The following IFT81 variants were observed in gnomAD, a reference collection of about 807,000 sequenced individuals.
IFT81 encodes the protein intraflagellar transport protein 81 homolog.
A neutral mutation model predicts 102.6 loss-of-function variants in IFT81; 72 were observed. The observed-to-expected ratio is 0.70, with a 90% CI of 0.58 to 0.85. The LOEUF is 0.85. IFT81 is among the 40% of genes least tolerant of loss of function. IFT81 has a pLI of 0.00. For missense variants in IFT81, 723 were observed against 787.3 expected (o/e 0.92, Z 0.98); for synonymous variants, 237 against 242.7 (o/e 0.98, Z 0.22).
Position 110,161,654 on chromosome 12 carries a change from A to G in IFT81, c.1042-1265A>G, listed in dbSNP as rs117808548. 3.2e-3 allele frequency among the ~76,000 whole-genome samples: 480 copies of G among 151,258 alleles called. 3 individuals are homozygous for G. The highest frequency in any genetic ancestry group is 0.01 in the Middle Eastern group (3 of 294). ...TTTTTTGTAGAGTCAGGATCTCACT[A>G]TGTTGCCTAGGCTGGTCTTGAACTC... On this transcript the variant is annotated intron_variant, in intron 10 of 18. Coordinates refer to ENST00000242591, the MANE Select transcript of IFT81 (RefSeq NM_014055.4).
rs1252542878 is a variant in IFT81 at position 110,205,521 on chromosome 12, C to A, written c.1716+7C>A. ...TACAAATTGTATGATTAAGGTAAGA[C>A]AAAGTAGATCAAAAACATTTCTGAG... On this transcript the variant is annotated splice_region_variant and intron_variant, in intron 16 of 18. Transcript: ENST00000242591. 3 of 1,589,088 alleles carry A rather than the reference C, an allele frequency of 1.9e-6. No homozygotes were observed. Among genetic ancestry groups the A allele is most frequent in the Middle Eastern group, 3.4e-4 (2 of 5,934 alleles).
chr12:110,197,414 A>T lies in IFT81; in HGVS notation c.1557+4708A>T, dbSNP rs141814468. ...GCATTTGAATTTTTTTCTATTTTGTACATCCTGTTATTTACTGTGTTTTCT... is the reference window on the plus strand; with the variant it reads ...GCATTTGAATTTTTTTCTATTTTGTTCATCCTGTTATTTACTGTGTTTTCT... On this transcript the variant is annotated intron_variant, in intron 14 of 18. Transcript: ENST00000242591. Among the ~76,000 whole-genome samples, 997 of 147,294 alleles carry T rather than the reference A, an allele frequency of 6.8e-3. 1 individual carries two copies. Among genetic ancestry groups the T allele is most frequent in the Non-Finnish European group, 9.4e-3 (629 of 66,758 alleles).
At chr12:110,201,255 A>G (rs1266807897) in intron 14 of IFT81, among the ~76,000 whole-genome samples, 1 of 151,672 alleles carries the variant, frequency 6.6e-6, no homozygotes, top group African/African-American at 2.4e-5. Flanking sequence ...ATACGAAATT[A>G]TCTGGTCATG....
intron 18 of IFT81, among the ~76,000 whole-genome samples, chr12:110,217,709 G>A (rs1382976153): frequency 2.0e-5 from 3 of 151,776 alleles, no homozygotes; most frequent in African/African-American, 7.3e-5. Context: ...CTACAGGCGC[G>A]TGCCCCCATG....
intron 18 of IFT81, among the ~76,000 whole-genome samples, chr12:110,209,768 C>CAAA (rs774458929): frequency 0.012 from 720 of 60,060 alleles, 1 homozygote; most frequent in Non-Finnish European, 0.019. Context: ...TACTCCATCT[C>CAAA]AAAAAAAAAA....
chr12:110,160,603 CA>C (rs1423000842), intron 10 of IFT81, among the ~76,000 whole-genome samples: 6 of 152,358 alleles, frequency 3.9e-5, no homozygotes, highest in African/African-American at 1.4e-4. Context: ...ACTCAAATGT[CA>C]GTCTCCTCTG....
rs1180771699 is a variant in IFT81, at chr12:110,194,466, T to TG, written c.1557+1764dup. Among the ~76,000 whole-genome samples, 4 of 152,226 alleles carry TG rather than the reference T, an allele frequency of 2.6e-5. No homozygotes were observed. The East Asian group carries it at 7.7e-4, about 29-fold the overall frequency. On this transcript the variant is annotated intron_variant, in intron 14 of 18. Coordinates refer to ENST00000242591, the MANE Select transcript of IFT81 (RefSeq NM_014055.4). ...TTCATTTAATTTTTTTAAGTAGAGA[T>TG]GGGGTCTGCTGTTGCCAGGCTAGTC...
chr12:110,164,405 G>A (rs941205941), intron 11 of IFT81, among the ~76,000 whole-genome samples: 1 of 151,992 alleles, frequency 6.6e-6, no homozygotes, highest in Non-Finnish European at 1.5e-5. Flanking sequence ...AAAGCAATAG[G>A]TCATATTTTA....
chr12:110,135,164 T>C (rs1169313900), intron 6 of IFT81, 151 bp downstream of exon 6: 2 of 744,214 alleles, frequency 2.7e-6, no homozygotes, highest in Non-Finnish European at 4.5e-6. Context: ...CTCTAGACAG[T>C]AGCCCAGCAC....
intron 9 of IFT81, 62 bp downstream of exon 9, chr12:110,143,607 A>G: frequency 7.5e-7 from 1 of 1,330,530 alleles, no homozygotes; most frequent in Non-Finnish European, 1.0e-6. Context: ...CTATAAAATT[A>G]TGTGAACTGC....
rs566198041 is a variant in IFT81, at chr12:110,205,948, G to A, written c.1802+268G>A. 2.6e-5 allele frequency among the ~76,000 whole-genome samples: 4 copies of A among 152,086 alleles called. No homozygotes were observed. The South Asian group carries it at 8.3e-4, about 32-fold the overall frequency. ...CCATTTTTAAGTGTACAGTTCATTG[G>A]CATTGATTACATTCACAATATTGTA... On this transcript the variant is annotated intron_variant, in intron 17 of 18. Transcript: ENST00000242591.
chr12:110,140,008 G>A (rs930720574), intron 8 of IFT81, among the ~76,000 whole-genome samples: 1 of 151,860 alleles, frequency 6.6e-6, no homozygotes, highest in Non-Finnish European at 1.5e-5. Context: ...TGAGGTTAAA[G>A]TGAGCTATGA....
At chr12:110,163,111 ATG>A in intron 11 of IFT81, 46 bp downstream of exon 11, 1 of 1,502,546 alleles carries the variant, frequency 6.7e-7, no homozygotes, top group Non-Finnish European at 9.1e-7. Context: ...TATTGTTTTT[ATG>A]TGAAACTATT....
chr12:110,147,896 A>G (rs933637393), intron 10 of IFT81, among the ~76,000 whole-genome samples: 1 of 152,194 alleles, frequency 6.6e-6, no homozygotes, highest in Non-Finnish European at 1.5e-5. Flanking sequence ...ACTTAACCAC[A>G]ACATACCACA....
chr12:110,177,322 G>A (rs978858652), intron 11 of IFT81, among the ~76,000 whole-genome samples: 7 of 151,968 alleles, frequency 4.6e-5, no homozygotes, highest in Admixed American at 3.9e-4. Context: ...TCGCTCTGTC[G>A]CTCAGGCTGG....
intron 18 of IFT81, among the ~76,000 whole-genome samples, chr12:110,215,647 T>C (rs778208133): frequency 3.3e-5 from 5 of 151,362 alleles, no homozygotes; most frequent in African/African-American, 7.3e-5. Context: ...AAATTTTTTT[T>C]TTGTAGAGAC....
intron 11 of IFT81, 47 bp downstream of exon 11, chr12:110,163,112 T>C (rs1201549642): frequency 1.3e-6 from 2 of 1,504,144 alleles, no homozygotes; most frequent in Admixed American, 1.9e-5. Context: ...ATTGTTTTTA[T>C]GTGAAACTAT....
Position 110,146,584 on chromosome 12 carries a change from A to G in IFT81, c.946-369A>G, listed in dbSNP as rs189509040. On this transcript the variant is annotated intron_variant, in intron 9 of 18. Coordinates refer to ENST00000242591, the MANE Select transcript of IFT81 (RefSeq NM_014055.4). Reference sequence around the variant, plus strand: ...TAATCAAACTGTGTAATTATATGTCATGAAATGTAAATTGTTTCTAAAGGT... The same window carrying G: ...TAATCAAACTGTGTAATTATATGTCGTGAAATGTAAATTGTTTCTAAAGGT... Among the ~76,000 whole-genome samples the G allele has an allele frequency of 3.7e-3, 568 of 152,354 alleles. 16 individuals carry two copies. Among genetic ancestry groups the G allele is most frequent in the Admixed American group, 0.032 (489 of 15,296 alleles).
At chr12:110,185,039 A>C (rs1897462126) in intron 12 of IFT81, among the ~76,000 whole-genome samples, 1 of 152,184 alleles carries the variant, frequency 6.6e-6, no homozygotes, top group Middle Eastern at 3.2e-3. Context: ...TATTAATTGC[A>C]CTGCTGCAAC....
Sources: allele counts gnomAD v4.1 joint callset (sites outside exome capture counted in the v4.1 genomes callset), GRCh38; gene constraint gnomAD v4.1.1; transcripts MANE v1.5; gene names NCBI Gene and HGNC (gene_info 2026-07-23, HGNC 2026-07-21).